Variants in COL28A1 observed in about 807,000 individuals in gnomAD.
COL28A1 encodes collagen alpha-1(XXVIII) chain.
In COL28A1, 161 loss-of-function variants were observed where a neutral mutation model predicts 150.2. The observed-to-expected ratio is 1.07, with a 90% CI of 0.94 to 1.22. COL28A1 has a LOEUF of 1.22. COL28A1 is among the 50% of genes most tolerant of loss of function. The pLI, the probability that COL28A1 is intolerant of heterozygous loss-of-function variation, is 0.00. For synonymous variants in COL28A1, 552 were observed against 469.7 expected (o/e 1.18, Z -2.26); for missense variants, 1,617 against 1,388.3 (o/e 1.16, Z -2.62).
chr7:7,347,555 G>A, the COL28A1 span, among the ~76,000 whole-genome samples: 173 of 152,164 alleles, frequency 1.1e-3, 1 homozygote, highest in African/African-American at 3.9e-3. Context: ...ACTGCCCCAG[G>A]TTGCAGTTAG....
At chr7:7,345,802 T>A in the COL28A1 span, among the ~76,000 whole-genome samples, 1 of 152,114 alleles carries the variant, frequency 6.6e-6, no homozygotes, top group Non-Finnish European at 1.5e-5. Context: ...TTTAGCAGCT[T>A]GACAATGATG....
chr7:7,490,389 C>T (rs1267551381), intron 12 of COL28A1, among the ~76,000 whole-genome samples, 189 bp downstream of exon 12: 1 of 152,112 alleles, frequency 6.6e-6, no homozygotes, highest in Non-Finnish European at 1.5e-5. Flanking sequence ...TTAAAAAATA[C>T]GTTAATTATT....
At chr7:7,432,291 T>C (rs1785027201) in intron 25 of COL28A1, among the ~76,000 whole-genome samples, 182 bp downstream of exon 25, 1 of 152,144 alleles carries the variant, frequency 6.6e-6, no homozygotes, top group Non-Finnish European at 1.5e-5. Flanking sequence ...ACCCAAACCA[T>C]AAAGTTAGTC....
At chr7:7,526,543 C>T (rs931237233) in intron 3 of COL28A1, among the ~76,000 whole-genome samples, 4 of 152,136 alleles carry the variant, frequency 2.6e-5, no homozygotes, top group Admixed American at 1.3e-4. Flanking sequence ...ACTAATAATT[C>T]AAGTCAAATT....
intron 15 of COL28A1, among the ~76,000 whole-genome samples, chr7:7,473,275 T>C (rs1359407808): frequency 6.6e-6 from 1 of 152,180 alleles, no homozygotes. Context: ...GGAGAAAATC[T>C]TCACAATCTA....
intron 22 of COL28A1, 63 bp downstream of exon 22, chr7:7,437,331 G>T (rs1785413798): frequency 6.5e-7 from 1 of 1,545,720 alleles, no homozygotes; most frequent in South Asian, 1.3e-5. Context: ...CTGGTATCAT[G>T]ATTTTTTTTT....
At chr7:7,389,764 G>C (rs929136518) in intron 27 of COL28A1, among the ~76,000 whole-genome samples, 1 of 152,102 alleles carries the variant, frequency 6.6e-6, no homozygotes, top group African/African-American at 2.4e-5. Flanking sequence ...TAGCAATTGT[G>C]AATGGGAGTT....
At chr7:7,361,628 T>C (rs1487430773) in intron 33 of COL28A1, among the ~76,000 whole-genome samples, 1 of 152,236 alleles carries the variant, frequency 6.6e-6, no homozygotes, top group African/African-American at 2.4e-5. Flanking sequence ...GTTGGCTGCA[T>C]AAATGTCTTC....
intron 11 of COL28A1, among the ~76,000 whole-genome samples, chr7:7,493,713 T>G (rs1480013864): frequency 1.3e-5 from 2 of 152,096 alleles, no homozygotes; most frequent in Non-Finnish European, 2.9e-5. Flanking sequence ...GTAAAGAAAG[T>G]GGTCCTGACT....
intron 15 of COL28A1, among the ~76,000 whole-genome samples, chr7:7,463,513 T>C (rs1232914844): frequency 6.6e-6 from 1 of 152,154 alleles, no homozygotes; most frequent in African/African-American, 2.4e-5. Context: ...TGGGGTCCTA[T>C]CATCAGCCTC....
At chr7:7,527,451 T>G (rs1000975066) in intron 3 of COL28A1, among the ~76,000 whole-genome samples, 2 of 152,188 alleles carry the variant, frequency 1.3e-5, no homozygotes, top group African/African-American at 4.8e-5. Flanking sequence ...TCATAAGGAC[T>G]AGTGTGGGCA....
At chr7:7,523,208 G>A (rs535720682) in intron 4 of COL28A1, among the ~76,000 whole-genome samples, 35 of 151,014 alleles carry the variant, frequency 2.3e-4, no homozygotes, top group Admixed American at 2.6e-4. Flanking sequence ...CCACCAGGCT[G>A]GAATGCAGCA....
At chr7:7,454,742 C>T (rs1787005785) in intron 16 of COL28A1, among the ~76,000 whole-genome samples, 2 of 152,220 alleles carry the variant, frequency 1.3e-5, no homozygotes, top group African/African-American at 2.4e-5. Flanking sequence ...GATGTGACAA[C>T]ACTGTCCGGC....
At chr7:7,512,064 T>C (rs1781171594) in intron 8 of COL28A1, among the ~76,000 whole-genome samples, 1 of 152,166 alleles carries the variant, frequency 6.6e-6, no homozygotes, top group African/African-American at 2.4e-5. Flanking sequence ...TGTAACAACA[T>C]AGATGAACCT....
At chr7:7,374,157 T>C (rs1781422277) in intron 31 of COL28A1, among the ~76,000 whole-genome samples, 2 of 151,866 alleles carry the variant, frequency 1.3e-5, no homozygotes, top group Admixed American at 1.3e-4. Context: ...TAGGATGCCC[T>C]GTGGATGCCG....
chr7:7,441,619 C>A (rs1053045917), intron 20 of COL28A1, among the ~76,000 whole-genome samples: 2 of 151,826 alleles, frequency 1.3e-5, no homozygotes, highest in Non-Finnish European at 2.9e-5. Context: ...AGTTGAGCAA[C>A]AGAATCACCT....
chr7:7,353,039 T>C (rs377744920), downstream of COL28A1, among the ~76,000 whole-genome samples: 14 of 152,302 alleles, frequency 9.2e-5, no homozygotes, highest in African/African-American at 3.4e-4. Context: ...AGCTGTTACA[T>C]TGTGCATCAG....
At chr7:7,406,669 G>A (rs981340908) in intron 27 of COL28A1, among the ~76,000 whole-genome samples, 2 of 152,056 alleles carry the variant, frequency 1.3e-5, no homozygotes, top group Non-Finnish European at 2.9e-5. Flanking sequence ...TAAAGAGAAG[G>A]AACCAGCCAT....
intron 11 of COL28A1, among the ~76,000 whole-genome samples, chr7:7,498,028 T>C (rs1265950063): frequency 1.3e-5 from 2 of 152,180 alleles, no homozygotes; most frequent in Admixed American, 1.3e-4. Context: ...ATAATAACAA[T>C]GAATTGGTGA....
Sources: allele counts gnomAD v4.1 joint callset (sites outside exome capture counted in the v4.1 genomes callset), GRCh38; gene constraint gnomAD v4.1.1; transcripts MANE v1.5; gene names NCBI Gene and HGNC (gene_info 2026-07-23, HGNC 2026-07-21).